TENM4: variants seen among roughly 807,000 people sequenced by gnomAD.
The protein encoded by TENM4 is teneurin transmembrane protein 4.
Under a neutral mutation model 243.3 loss-of-function variants are expected in TENM4, and 82 were observed. That is an observed-to-expected ratio of 0.34 (90% CI 0.28 to 0.40). The LOEUF is 0.40. Among genes scored for constraint, TENM4 ranks in the 10% least tolerant of loss-of-function variants. The pLI is 1.00. For synonymous variants in TENM4, 1,412 were observed against 1,456.3 expected, an observed-to-expected ratio of 0.97 and a Z score of 0.69; for missense variants, 3,138 against 3,673.3, an observed-to-expected ratio of 0.85 and a Z score of 3.77.
At chr11:79,077,452 T>C (rs1157743562) in intron 4 of TENM4, among the ~76,000 whole-genome samples, 2 of 152,216 alleles carry the variant, frequency 1.3e-5, no homozygotes, top group Non-Finnish European at 2.9e-5. Context: ...CAAATTTCTC[T>C]TGCCTACAGT....
intron 1 of TENM4, among the ~76,000 whole-genome samples, chr11:79,307,734 T>G (rs1856650551): frequency 6.6e-6 from 1 of 152,198 alleles, no homozygotes; most frequent in Admixed American, 6.5e-5. Context: ...GCTCTCTCTG[T>G]GTCTCAGCTG....
chr11:79,152,510 A>G (rs948490737), intron 3 of TENM4, among the ~76,000 whole-genome samples: 2 of 152,230 alleles, frequency 1.3e-5, no homozygotes, highest in South Asian at 4.1e-4. Flanking sequence ...CTTCATCTAG[A>G]TATATCATGG....
intron 28 of TENM4, among the ~76,000 whole-genome samples, chr11:78,693,740 G>A (rs1301327561): frequency 6.6e-6 from 1 of 152,188 alleles, no homozygotes; most frequent in Non-Finnish European, 1.5e-5. Context: ...TAGGCCAGGC[G>A]CAGTGACTCA....
intron 6 of TENM4, among the ~76,000 whole-genome samples, chr11:79,018,929 G>T (rs1220869640): frequency 6.6e-6 from 1 of 152,198 alleles, no homozygotes; most frequent in African/African-American, 2.4e-5. Flanking sequence ...AGGAGAGGAG[G>T]CTTGCTCCAC....
rs552340944 is a variant in TENM4 at position 79,160,313 on chromosome 11, C to T, written c.-162-11507G>A. ...TAATTACTGTTTTGACTTTCACCCT[C>T]TAATGATAGAAAATTCTTTCCACAA... is the stretch of plus-strand genomic sequence containing the variant. On this transcript the variant is annotated intron_variant, in intron 3 of 33. Transcript: ENST00000278550. Among the ~76,000 whole-genome samples, 24 of 152,326 alleles carry T rather than the reference C, an allele frequency of 1.6e-4. 1 individual carries two copies. The highest frequency in any genetic ancestry group is 5.8e-4 in the African/African-American group (24 of 41,578).
At chr11:78,886,460 C>T (rs374183944) in intron 9 of TENM4, among the ~76,000 whole-genome samples, 1 of 152,226 alleles carries the variant, frequency 6.6e-6, no homozygotes, top group Non-Finnish European at 1.5e-5. Flanking sequence ...GCTGCTACCC[C>T]CTAGCTTGTG....
chr11:79,078,129 C>A (rs1266702065), intron 4 of TENM4, among the ~76,000 whole-genome samples: 2 of 152,172 alleles, frequency 1.3e-5, no homozygotes, highest in African/African-American at 4.8e-5. Flanking sequence ...CCTGCCAAAA[C>A]CCGCAGGGAA....
intron 1 of TENM4, among the ~76,000 whole-genome samples, chr11:79,325,972 A>G (rs1030086014): frequency 1.3e-5 from 2 of 152,234 alleles, no homozygotes; most frequent in South Asian, 2.1e-4. Flanking sequence ...TGAACTCATT[A>G]AACATGAGCC....
At chr11:78,710,726 G>A (rs1401922589) in intron 26 of TENM4, among the ~76,000 whole-genome samples, 1 of 152,100 alleles carries the variant, frequency 6.6e-6, no homozygotes, top group South Asian at 2.1e-4. Flanking sequence ...TTAAATAGAC[G>A]GACATCTTTT....
intron 2 of TENM4, among the ~76,000 whole-genome samples, chr11:79,247,100 G>C (rs551730739): frequency 6.6e-6 from 1 of 151,710 alleles, no homozygotes; most frequent in South Asian, 2.1e-4. Flanking sequence ...TTAAGAACAG[G>C]ACAGATGGAA....
At chr11:79,246,642 C>G (rs1855521366) in intron 2 of TENM4, among the ~76,000 whole-genome samples, 2 of 152,028 alleles carry the variant, frequency 1.3e-5, no homozygotes, top group African/African-American at 2.4e-5. Context: ...TGACATTGAG[C>G]AAAGAGGGTC....
At chr11:78,925,117 C>T (rs1220678840) in intron 6 of TENM4, among the ~76,000 whole-genome samples, 4 of 152,192 alleles carry the variant, frequency 2.6e-5, no homozygotes, top group African/African-American at 4.8e-5. Flanking sequence ...TGTATTCTAA[C>T]TCTGATCTCT....
intron 6 of TENM4, among the ~76,000 whole-genome samples, chr11:78,904,338 C>A (rs1856012607): frequency 7.8e-6 from 1 of 128,714 alleles, no homozygotes; most frequent in Non-Finnish European, 1.6e-5. Context: ...CCAGCCTGAG[C>A]TACAGAGCAA....
intron 6 of TENM4, among the ~76,000 whole-genome samples, chr11:79,029,338 T>G (rs1387625961): frequency 1.3e-5 from 2 of 152,190 alleles, no homozygotes; most frequent in African/African-American, 4.8e-5. Context: ...TAGATTCACC[T>G]GCTTTCAAAT....
chr11:79,043,244 A>G (rs1007184968), intron 6 of TENM4, among the ~76,000 whole-genome samples: 1 of 152,214 alleles, frequency 6.6e-6, no homozygotes, highest in African/African-American at 2.4e-5. Flanking sequence ...TATTGTGTTC[A>G]TACCTCAGAT....
chr11:79,418,485 C>T (rs183938285), intron 1 of TENM4, among the ~76,000 whole-genome samples: 55 of 152,334 alleles, frequency 3.6e-4, no homozygotes, highest in African/African-American at 4.8e-4. Context: ...TGGCTCTAAA[C>T]GCCAATTCTG....
chr11:78,971,138 C>G (rs902018482), intron 6 of TENM4, among the ~76,000 whole-genome samples: 4 of 152,130 alleles, frequency 2.6e-5, no homozygotes, highest in African/African-American at 9.7e-5. Flanking sequence ...ATCCTCCCGA[C>G]TCAGCCTCCC....
chr11:78,688,388 A>G (rs1012683415), intron 28 of TENM4, among the ~76,000 whole-genome samples, 162 bp from the exon 29 acceptor site: 5 of 152,156 alleles, frequency 3.3e-5, no homozygotes, highest in African/African-American at 1.2e-4. Flanking sequence ...CCTGGTACAT[A>G]GATTTCAGGA....
chr11:79,067,186 T>A (rs144027164), intron 5 of TENM4, among the ~76,000 whole-genome samples: 51 of 152,364 alleles, frequency 3.3e-4, no homozygotes, highest in South Asian at 1.0e-3. Flanking sequence ...TCTGATTGGT[T>A]AGAGGCTGGG....
Sources: allele counts gnomAD v4.1 joint callset (sites outside exome capture counted in the v4.1 genomes callset), GRCh38; gene constraint gnomAD v4.1.1; transcripts MANE v1.5; gene names NCBI Gene and HGNC (gene_info 2026-07-23, HGNC 2026-07-21).